CNTN4: variants seen among roughly 807,000 people sequenced by gnomAD.
CNTN4 encodes contactin-4.
CNTN4 carries 77 observed loss-of-function variants against 122.5 expected under a neutral mutation model. The ratio of observed to expected loss-of-function variants is 0.63; its 90% CI spans 0.52 to 0.76. The LOEUF is 0.76. CNTN4 is among the 30% of genes least tolerant of loss of function. The pLI is 0.00. For missense variants in CNTN4, 1,256 were observed against 1,259.1 expected (o/e 1.00, Z 0.04); for synonymous variants, 512 against 447.0 (o/e 1.15, Z -1.83).
At chr3:2,246,765 C>T (rs1468821739) in intron 2 of CNTN4, among the ~76,000 whole-genome samples, 1 of 151,870 alleles carries the variant, frequency 6.6e-6, no homozygotes, top group Non-Finnish European at 1.5e-5. Context: ...AGATGAGTTC[C>T]TAAAAGAGGC....
At chr3:3,046,296 C>T (rs1383945599) in intron 23 of CNTN4, among the ~76,000 whole-genome samples, 5 of 152,016 alleles carry the variant, frequency 3.3e-5, no homozygotes, top group South Asian at 2.1e-4. Context: ...AGATAGTCCT[C>T]GAGAAGAGCA....
rs555333849 is a variant in CNTN4, at chr3:2,983,680, A to T, written c.1359-4665A>T. 9.2e-5 allele frequency among the ~76,000 whole-genome samples: 14 copies of T among 152,352 alleles called. No homozygotes were observed. In the South Asian group the frequency reaches 2.9e-3, roughly 32 times the overall value. On this transcript the variant is annotated intron_variant, in intron 13 of 24. Coordinates refer to ENST00000418658, the MANE Select transcript of CNTN4 (RefSeq NM_175607.3). ...AACAAGGAAGCTGAGTTACAGAGAG[A>T]TTAACTTTCCCAAAGTCACACAACT... is the stretch of plus-strand genomic sequence containing the variant.
intron 3 of CNTN4, among the ~76,000 whole-genome samples, chr3:2,453,424 C>T (rs2048898671): frequency 6.6e-6 from 1 of 151,952 alleles, no homozygotes. Flanking sequence ...GTAATGATAG[C>T]TGCTTGTTGT....
chr3:2,305,526 T>C (rs2042671139), intron 2 of CNTN4, among the ~76,000 whole-genome samples: 1 of 152,246 alleles, frequency 6.6e-6, no homozygotes, highest in Admixed American at 6.5e-5. Flanking sequence ...ATACCAATGA[T>C]ATAGTTTCCA....
chr3:2,264,380 A>C (rs2040958587), intron 2 of CNTN4, among the ~76,000 whole-genome samples: 1 of 152,028 alleles, frequency 6.6e-6, no homozygotes, highest in South Asian at 2.1e-4. Context: ...GATATTGAAA[A>C]TTTTGTAATA....
chr3:2,965,427 G>A (rs148572299), intron 13 of CNTN4, among the ~76,000 whole-genome samples: 35 of 152,326 alleles, frequency 2.3e-4, no homozygotes, highest in African/African-American at 7.0e-4. Flanking sequence ...GCCACTTGCC[G>A]TATGTGGGTA....
chr3:2,734,323 G>C (rs564984189), intron 4 of CNTN4, among the ~76,000 whole-genome samples: 3 of 152,236 alleles, frequency 2.0e-5, no homozygotes, highest in Admixed American at 6.5e-5. Context: ...CAGCCTCCCA[G>C]AGTGCTGGGA....
chr3:2,490,886 T>C (rs1464529242), intron 3 of CNTN4, among the ~76,000 whole-genome samples: 1 of 152,176 alleles, frequency 6.6e-6, no homozygotes, highest in African/African-American at 2.4e-5. Context: ...TTTCTTAGTT[T>C]CCAAAGTACT....
intron 2 of CNTN4, among the ~76,000 whole-genome samples, chr3:2,304,421 T>C (rs960481674): frequency 2.6e-5 from 4 of 152,168 alleles, no homozygotes; most frequent in African/African-American, 7.2e-5. Context: ...TTACATTCTA[T>C]GAAACATATT....
chr3:2,522,329 A>C (rs2077251427), intron 3 of CNTN4, among the ~76,000 whole-genome samples: 1 of 152,154 alleles, frequency 6.6e-6, no homozygotes, highest in Admixed American at 6.6e-5. Flanking sequence ...CTCTATACTC[A>C]GTATTAACAA....
chr3:2,627,633 A>G (rs1329555088), intron 4 of CNTN4, among the ~76,000 whole-genome samples: 4 of 150,856 alleles, frequency 2.7e-5, no homozygotes, highest in African/African-American at 4.9e-5. Context: ...AGTTGGGAAT[A>G]CAGGTGCCCG....
intron 3 of CNTN4, among the ~76,000 whole-genome samples, chr3:2,361,599 G>C (rs1237648816): frequency 6.6e-6 from 1 of 152,194 alleles, no homozygotes; most frequent in Non-Finnish European, 1.5e-5. Context: ...ATCACCTAAT[G>C]TGTTTATCCA....
chr3:2,184,248 G>C (rs962980834), intron 2 of CNTN4, among the ~76,000 whole-genome samples: 1 of 152,070 alleles, frequency 6.6e-6, no homozygotes, highest in African/African-American at 2.4e-5. Flanking sequence ...GGCCTCCCAA[G>C]GGTTGGAATT....
chr3:2,556,410 T>C (rs2078722002), intron 3 of CNTN4, among the ~76,000 whole-genome samples: 1 of 152,218 alleles, frequency 6.6e-6, no homozygotes, highest in Admixed American at 6.5e-5. Flanking sequence ...CACGAAGTTA[T>C]CCTCAATCAG....
intron 3 of CNTN4, among the ~76,000 whole-genome samples, chr3:2,535,566 T>C (rs1001144761): frequency 1.3e-5 from 2 of 152,146 alleles, no homozygotes; most frequent in African/African-American, 4.8e-5. Flanking sequence ...TTCACAGTAC[T>C]TGGTAATTAT....
chr3:2,240,512 C>A (rs2039888814), intron 2 of CNTN4, among the ~76,000 whole-genome samples: 1 of 152,116 alleles, frequency 6.6e-6, no homozygotes, highest in African/African-American at 2.4e-5. Flanking sequence ...CTAGATTTCT[C>A]AAACTTTGTT....
At chr3:2,527,396 G>A (rs1457249927) in intron 3 of CNTN4, among the ~76,000 whole-genome samples, 2 of 151,994 alleles carry the variant, frequency 1.3e-5, no homozygotes, top group African/African-American at 4.8e-5. Flanking sequence ...CACACCAAAT[G>A]AGGGAACAAT....
intron 4 of CNTN4, among the ~76,000 whole-genome samples, chr3:2,685,984 C>T (rs2085411933): frequency 6.6e-6 from 1 of 152,140 alleles, no homozygotes; most frequent in Middle Eastern, 3.2e-3. Flanking sequence ...CCCAATTACC[C>T]AAGTTGTATT....
At chr3:2,132,813 G>T (rs116475241) in intron 2 of CNTN4, among the ~76,000 whole-genome samples, 1,781 of 152,194 alleles carry the variant, frequency 0.012, 28 homozygotes, top group African/African-American at 0.041. Flanking sequence ...GGATGACAGG[G>T]CCCATTTCTC....
Sources: allele counts gnomAD v4.1 joint callset (sites outside exome capture counted in the v4.1 genomes callset), GRCh38; gene constraint gnomAD v4.1.1; transcripts MANE v1.5; gene names NCBI Gene and HGNC (gene_info 2026-07-23, HGNC 2026-07-21).